The following GRIP1 variants were observed in gnomAD, a reference collection of about 807,000 sequenced individuals.
GRIP1 encodes the protein glutamate receptor-interacting protein 1.
GRIP1 carries 45 observed loss-of-function variants against 129.9 expected under a neutral mutation model. The observed-to-expected ratio is 0.35, with a 90% CI of 0.27 to 0.44. The LOEUF is 0.44. Ranked by LOEUF, GRIP1 falls within the 20% of genes least tolerant of loss-of-function variation. The pLI is 1.00. For synonymous variants in GRIP1, 530 were observed against 520.8 expected (o/e 1.02, Z -0.24); for missense variants, 1,196 against 1,396.8 (o/e 0.86, Z 2.29).
At chr12:66,466,839 T>C (rs1483028799) in intron 7 of GRIP1, among the ~76,000 whole-genome samples, 1 of 152,232 alleles carries the variant, frequency 6.6e-6, no homozygotes, top group African/African-American at 2.4e-5. Flanking sequence ...TAATACAATT[T>C]TGCCTTTCTG....
At chr12:67,034,338 C>T (rs187398365) in intron 1 of GRIP1, among the ~76,000 whole-genome samples, 1 of 152,216 alleles carries the variant, frequency 6.6e-6, no homozygotes, top group Non-Finnish European at 1.5e-5. Context: ...CATGGCTTAA[C>T]GACAGGGATA....
At chr12:66,632,485 C>T (rs999764323) in intron 1 of GRIP1, among the ~76,000 whole-genome samples, 3 of 152,150 alleles carry the variant, frequency 2.0e-5, no homozygotes, top group Admixed American at 6.5e-5. Flanking sequence ...TTTCCTTCTG[C>T]CATCCTCCTT....
chr12:66,846,129 C>A (rs1223295712), intron 1 of GRIP1, among the ~76,000 whole-genome samples: 4 of 152,214 alleles, frequency 2.6e-5, no homozygotes, highest in Non-Finnish European at 4.4e-5. Flanking sequence ...AGACTGCCAT[C>A]TTTGGTGATT....
At chr12:66,462,894 A>G (rs1052396948) in intron 9 of GRIP1, 30 bp downstream of exon 9, 1 of 1,594,296 alleles carries the variant, frequency 6.3e-7, no homozygotes, top group Non-Finnish European at 8.6e-7. Flanking sequence ...AGGGCCAGAG[A>G]AAGAGCTTGA....
intron 1 of GRIP1, among the ~76,000 whole-genome samples, chr12:66,920,450 G>A (rs2041194120): frequency 1.3e-5 from 2 of 152,304 alleles, no homozygotes; most frequent in South Asian, 4.2e-4. Flanking sequence ...GCAGCTGGAT[G>A]TTGTGAGAGA....
chr12:66,551,867 C>T (rs2062151333), intron 2 of GRIP1, among the ~76,000 whole-genome samples: 1 of 152,082 alleles, frequency 6.6e-6, no homozygotes, highest in African/African-American at 2.4e-5. Context: ...CAGGCATGAG[C>T]CACAGTGCCA....
chr12:66,523,340 G>A (rs112453062), intron 5 of GRIP1, among the ~76,000 whole-genome samples: 11,519 of 125,798 alleles, frequency 0.092, 690 homozygotes, highest in African/African-American at 0.11. Flanking sequence ...CTTGGCAGAA[G>A]CTCTACAAGC....
intron 1 of GRIP1, among the ~76,000 whole-genome samples, chr12:66,984,567 T>C (rs2042283997): frequency 6.6e-6 from 1 of 152,170 alleles, no homozygotes; most frequent in African/African-American, 2.4e-5. Flanking sequence ...GAGGTAATTA[T>C]ATTATGATTA....
intron 16 of GRIP1, among the ~76,000 whole-genome samples, chr12:66,395,139 C>T (rs1397625382): frequency 6.6e-6 from 1 of 152,206 alleles, no homozygotes; most frequent in Non-Finnish European, 1.5e-5. Context: ...CTGCCTAAAG[C>T]ACTGGCCAGA....
intron 16 of GRIP1, among the ~76,000 whole-genome samples, chr12:66,401,913 C>T (rs1333402382): frequency 6.6e-6 from 1 of 152,086 alleles, no homozygotes; most frequent in Non-Finnish European, 1.5e-5. Context: ...GGTCACTAAC[C>T]AAGTCCAGTG....
intron 19 of GRIP1, among the ~76,000 whole-genome samples, chr12:66,382,355 AAAAT>A (rs1326559729): frequency 3.9e-5 from 6 of 152,242 alleles, no homozygotes; most frequent in African/African-American, 9.6e-5. Context: ...CCCTGTCTCA[AAAAT>A]AAATAAATAA....
intron 1 of GRIP1, among the ~76,000 whole-genome samples, chr12:66,771,914 A>G (rs1312030071): frequency 2.0e-5 from 3 of 152,196 alleles, no homozygotes; most frequent in Non-Finnish European, 4.4e-5. Flanking sequence ...ACATATTAAA[A>G]CAGGATCTGC....
At chr12:66,748,392 A>C (rs2037019634) in intron 1 of GRIP1, among the ~76,000 whole-genome samples, 1 of 152,178 alleles carries the variant, frequency 6.6e-6, no homozygotes, top group African/African-American at 2.4e-5. Context: ...TAATCTTAGA[A>C]GTCATATTTA....
chr12:66,607,024 AGTGT>A (rs528697993), intron 1 of GRIP1, among the ~76,000 whole-genome samples: 2 of 150,692 alleles, frequency 1.3e-5, no homozygotes, highest in African/African-American at 2.5e-5. Context: ...AAAGAGAGAG[AGTGT>A]GTGTGTGTGT....
At chr12:66,627,282 A>G (rs979588141) in intron 1 of GRIP1, among the ~76,000 whole-genome samples, 1 of 152,158 alleles carries the variant, frequency 6.6e-6, no homozygotes, top group Admixed American at 6.6e-5. Context: ...AGTCTACCAA[A>G]TCTCTGGCAG....
intron 1 of GRIP1, among the ~76,000 whole-genome samples, chr12:66,800,029 T>C (rs1040139178): frequency 2.0e-5 from 3 of 152,194 alleles, no homozygotes; most frequent in East Asian, 1.9e-4. Context: ...TGTAAATGCA[T>C]ACAATGCATC....
In GRIP1 at chr12:66,984,836, T is replaced by C. The variant is rs138532336; in HGVS notation, c.58+84214A>G. ...GTCTGGATATGCTAGCCATGCATTC[T>C]GGTTACCTACTGCTGTGAAATAAAC... On this transcript the variant is annotated intron_variant, in intron 1 of 1. Transcript: ENST00000643019. Among the ~76,000 whole-genome samples the C allele has an allele frequency of 2.2e-4, 33 of 152,346 alleles. No individual in the cohort carries two copies. In the East Asian group the frequency reaches 6.0e-3, roughly 28 times the overall value.
intron 1 of GRIP1, among the ~76,000 whole-genome samples, chr12:66,868,185 C>T (rs2040236974): frequency 6.6e-6 from 1 of 151,948 alleles, no homozygotes; most frequent in Admixed American, 6.6e-5. Flanking sequence ...ATTAAACATA[C>T]CTTATCAGAA....
intron 1 of GRIP1, among the ~76,000 whole-genome samples, chr12:67,016,512 A>C (rs974787297): frequency 6.6e-6 from 1 of 152,208 alleles, no homozygotes; most frequent in African/African-American, 2.4e-5. Context: ...AAACAGACTC[A>C]AAGAAGCTCA....
Sources: allele counts gnomAD v4.1 joint callset (sites outside exome capture counted in the v4.1 genomes callset), GRCh38; gene constraint gnomAD v4.1.1; transcripts MANE v1.5; gene names NCBI Gene and HGNC (gene_info 2026-07-23, HGNC 2026-07-21).